Variants in DHRSX observed in about 807,000 individuals in gnomAD.
DHRSX encodes polyprenol dehydrogenase.
DHRSX carries 31 observed loss-of-function variants against 34.0 expected under a neutral mutation model. The ratio of observed to expected loss-of-function variants is 0.91; its 90% CI spans 0.69 to 1.23. The LOEUF (loss-of-function observed/expected upper bound fraction) is 1.23, where lower values mean the gene tolerates loss of function less well. Ranked by LOEUF, DHRSX falls within the 50% of genes most tolerant of loss-of-function variation. DHRSX has a pLI of 0.00. For synonymous variants in DHRSX, 201 were observed against 183.8 expected, an observed-to-expected ratio of 1.09 and a Z score of -0.76; for missense variants, 414 against 428.1, an observed-to-expected ratio of 0.97 and a Z score of 0.29.
chrX:2,460,554 G>A (rs904065320), intron 1 of DHRSX, among the ~76,000 whole-genome samples: 233 of 148,544 alleles, frequency 1.6e-3, no homozygotes, highest in African/African-American at 5.6e-3. Context: ...AAGTAGCTGT[G>A]ACCACACACG....
At chrX:2,268,922 T>A (rs1018515181) in intron 4 of DHRSX, among the ~76,000 whole-genome samples, 2 of 152,274 alleles carry the variant, frequency 1.3e-5, no homozygotes, top group African/African-American at 4.8e-5. Flanking sequence ...CACGTTTGCA[T>A]TTGCAAATGC....
chrX:2,235,240 C>T (rs943909588), intron 6 of DHRSX, among the ~76,000 whole-genome samples: 27 of 152,192 alleles, frequency 1.8e-4, no homozygotes, highest in African/African-American at 6.0e-4. Flanking sequence ...AGTGGGTCTA[C>T]ACAGACACAG....
intron 3 of DHRSX, among the ~76,000 whole-genome samples, chrX:2,304,490 G>A (rs1429357939): frequency 1.3e-5 from 2 of 152,124 alleles, no homozygotes; most frequent in Non-Finnish European, 2.9e-5. Context: ...TGGGTCACGG[G>A]GGTGGATGTC....
intron 3 of DHRSX, among the ~76,000 whole-genome samples, chrX:2,348,180 C>G (rs1030664163): frequency 6.6e-6 from 1 of 152,074 alleles, no homozygotes; most frequent in Admixed American, 6.6e-5. Context: ...AGAAGCAGCT[C>G]GGGTAAGAGA....
chrX:2,358,948 C>CA (rs1438186551), intron 3 of DHRSX, among the ~76,000 whole-genome samples: 1 of 119,062 alleles, frequency 8.4e-6, no homozygotes, highest in Non-Finnish European at 1.8e-5. Flanking sequence ...GACTCTGTCT[C>CA]GGAAAAAAAA....
At chrX:2,455,599 G>C (rs2044284248) in intron 1 of DHRSX, among the ~76,000 whole-genome samples, 1 of 151,792 alleles carries the variant, frequency 6.6e-6, no homozygotes, top group African/African-American at 2.4e-5. Flanking sequence ...AAATTAGTCG[G>C]GCATGGTGGC....
At chrX:2,302,854 A>AT (rs1045619426) in intron 3 of DHRSX, among the ~76,000 whole-genome samples, 62 of 152,008 alleles carry the variant, frequency 4.1e-4, no homozygotes, top group African/African-American at 1.3e-3. Flanking sequence ...TCTTAAATGC[A>AT]TTTTTTTTAG....
intron 4 of DHRSX, among the ~76,000 whole-genome samples, chrX:2,271,492 T>A (rs2041554086): frequency 6.6e-6 from 1 of 152,176 alleles, no homozygotes; most frequent in African/African-American, 2.4e-5. Context: ...CCAGCCAGAC[T>A]CAGTGCTTCC....
At chrX:2,265,872 ACCAATGC>A (rs1435845300) in intron 5 of DHRSX, among the ~76,000 whole-genome samples, 5 of 141,208 alleles carry the variant, frequency 3.5e-5, no homozygotes, top group Admixed American at 3.5e-4. Context: ...TCCCCAGAGC[ACCAATGC>A]TCGGCGGACA....
At chrX:2,314,228 AG>A (rs1241805102) in intron 3 of DHRSX, among the ~76,000 whole-genome samples, 8 of 13,810 alleles carry the variant, frequency 5.8e-4, no homozygotes, top group Admixed American at 1.2e-3. Flanking sequence ...GAGGGAAGGA[AG>A]GGAGGGAGGG....
rs146453229 is a variant in DHRSX at position 2,425,458 on chromosome X, G to A, written c.110-154C>T. On this transcript the variant is annotated intron_variant, in intron 1 of 6. Coordinates refer to ENST00000334651, the MANE Select transcript of DHRSX (RefSeq NM_145177.3). ...TCTTGAATTCCCACAGGCTCAGGAG[G>A]CATGAATGTATTAAAGTGGATTCGC... is the stretch of plus-strand genomic sequence containing the variant. 251 of 216,222 alleles carry A rather than the reference G, an allele frequency of 1.2e-3. 1 individual carries two copies. Among genetic ancestry groups the A allele is most frequent in the African/African-American group, 5.5e-3 (234 of 42,710 alleles). The allele number at this position is 216,222 out of a possible 1,614,324, so 13.4% of individuals were successfully genotyped here. A position where few individuals can be genotyped will look rare whatever the true frequency, so the allele number is the denominator to read the frequency against.
In DHRSX at chrX:2,360,262, C is replaced by T. The variant is rs188279520; in HGVS notation, c.286+48483G>A. Among the ~76,000 whole-genome samples, 145 of 152,144 alleles carry T rather than the reference C, an allele frequency of 9.5e-4. 1 individual carries two copies. The highest frequency in any genetic ancestry group is 1.8e-3 in the Non-Finnish European group (123 of 68,004). ...TTATTCAACATCTCATTAAACATTT[C>T]GCAAGAGTGAAGGATAGACTATGCA... On this transcript the variant is annotated intron_variant, in intron 3 of 6. Transcript: ENST00000334651.
chrX:2,489,100 G>T, intron 1 of DHRSX: 1 of 1,613,616 alleles, frequency 6.2e-7, no homozygotes, highest in Non-Finnish European at 8.5e-7. Flanking sequence ...TGACGCTGGC[G>T]GGCGGCGGCG....
intron 3 of DHRSX, among the ~76,000 whole-genome samples, chrX:2,357,851 C>T (rs1386514079): frequency 6.6e-6 from 1 of 152,092 alleles, no homozygotes; most frequent in African/African-American, 2.4e-5. Flanking sequence ...AAGGATTCAC[C>T]TACATAACGG....
rs1292009842 is a variant in DHRSX at position 2,452,050 on chromosome X, G to T, written c.110-26746C>A. Among the ~76,000 whole-genome samples the T allele has an allele frequency of 5.9e-5, 9 of 151,322 alleles. 1 individual carries two copies. Among genetic ancestry groups the T allele is most frequent in the Non-Finnish European group, 5.9e-5 (4 of 67,908 alleles). On this transcript the variant is annotated intron_variant, in intron 1 of 6. Coordinates refer to ENST00000334651, the MANE Select transcript of DHRSX (RefSeq NM_145177.3). ...AAGGGACTGCCGCCATATACACACT[G>T]AAGATGTTCACTAAGCAGGTGACTA... is the stretch of plus-strand genomic sequence containing the variant.
intron 1 of DHRSX, among the ~76,000 whole-genome samples, chrX:2,437,690 AGAGAGAGAGTGTGTGTGTGT>A (rs1280271536): frequency 0.065 from 4,910 of 75,186 alleles, 151 homozygotes; most frequent in African/African-American, 0.16. Flanking sequence ...AGAGAGAGAG[AGAGAGAGAGTGTGTGTGTGT>A]GTGTGTGTGT....
intron 3 of DHRSX, among the ~76,000 whole-genome samples, chrX:2,356,758 T>C (rs1356588329): frequency 4.6e-5 from 7 of 152,178 alleles, no homozygotes; most frequent in Non-Finnish European, 1.0e-4. Context: ...ATTTGATGAA[T>C]AGTAAATGTA....
chrX:2,262,231 T>C (rs1402030355), intron 5 of DHRSX, among the ~76,000 whole-genome samples: 2 of 152,172 alleles, frequency 1.3e-5, no homozygotes, highest in African/African-American at 4.8e-5. Context: ...AATCCTGCAG[T>C]GAGCCCTGAG....
At chrX:2,492,953 G>A (rs936562122) in intron 1 of DHRSX, among the ~76,000 whole-genome samples, 9 of 152,224 alleles carry the variant, frequency 5.9e-5, no homozygotes, top group Non-Finnish European at 1.3e-4. Context: ...CCGTCTTCAC[G>A]GGCAGTCGCG....
Sources: gnomAD v4.1 joint callset for allele counts (sites outside exome capture counted in the v4.1 genomes callset) on GRCh38, gnomAD v4.1.1 for gene constraint, MANE v1.5 for transcripts, NCBI Gene and HGNC (gene_info 2026-07-23, HGNC 2026-07-21) for gene names.